Variants in PHACTR3 observed in about 807,000 individuals in gnomAD.
PHACTR3 encodes protein phosphatase 1, regulatory subunit 123.
Under a neutral mutation model 66.8 loss-of-function variants are expected in PHACTR3, and 16 were observed. That is an observed-to-expected ratio of 0.24 (90% confidence interval 0.16 to 0.36). The LOEUF is 0.36. Among genes scored for constraint, PHACTR3 ranks in the 10% least tolerant of loss-of-function variants. The probability of loss-of-function intolerance (pLI) is 1.00; values close to 1 mark genes in which losing one functional copy is unlikely to be tolerated. For synonymous variants in PHACTR3, 323 were observed against 292.1 expected (o/e 1.11, Z -1.08); for missense variants, 647 against 719.9 (o/e 0.90, Z 1.16).
rs576852139 is a variant in PHACTR3, at chr20:59,731,353, G to A, written c.119-11754G>A. Among the ~76,000 whole-genome samples the A allele has an allele frequency of 1.4e-4, 21 of 152,262 alleles. No homozygotes were observed. In the South Asian group the frequency reaches 2.9e-3, roughly 21 times the overall value. On this transcript the variant is annotated intron_variant, in intron 1 of 12. Transcript: ENST00000371015. Reference sequence around the variant, plus strand: ...GCCTCTTGTACAATAATTTTTATAAGAGTTTGTTCTTTGCAAATGCAGATG... The same window carrying A: ...GCCTCTTGTACAATAATTTTTATAAAAGTTTGTTCTTTGCAAATGCAGATG...
At chr20:59,601,958 G>A (rs1173426595), upstream of PHACTR3, among the ~76,000 whole-genome samples, 1 of 152,226 alleles carries the variant, frequency 6.6e-6, no homozygotes. Flanking sequence ...GTTTGGTGGA[G>A]TAGGTGAATG....
intron 1 of PHACTR3, among the ~76,000 whole-genome samples, chr20:59,614,697 G>T (rs1280162081): frequency 6.6e-6 from 1 of 152,170 alleles, no homozygotes; most frequent in African/African-American, 2.4e-5. Flanking sequence ...CTAATGAGTT[G>T]TATTGTTATG....
intron 8 of PHACTR3, among the ~76,000 whole-genome samples, chr20:59,817,294 A>C (rs1450992274): frequency 6.6e-6 from 1 of 152,204 alleles, no homozygotes; most frequent in Admixed American, 6.5e-5. Flanking sequence ...CAGGGTCTGC[A>C]TACGCTTCTG....
Position 59,774,102 on chromosome 20 carries a change from G to T in PHACTR3, c.927-141G>T, listed in dbSNP as rs974747876. 1.7e-5 allele frequency: 17 copies of T among 1,010,742 alleles called. No homozygotes were observed. In the Admixed American group the frequency reaches 3.5e-4, roughly 21 times the overall value. The allele number at this position is 1,010,742 out of a possible 1,614,324, so 62.6% of individuals were successfully genotyped here. A position where few individuals can be genotyped will look rare whatever the true frequency, so the allele number is the denominator to read the frequency against. On this transcript the variant is annotated intron_variant, in intron 6 of 12. Transcript: ENST00000371015. ...GAACTCAAATCCTCATGCTCCTTCT[G>T]GTGTGTCCAGGATAAAAACCAAGAG...
chr20:59,591,907 C>G (rs539836648), intron 1 of PHACTR3, among the ~76,000 whole-genome samples: 18 of 152,086 alleles, frequency 1.2e-4, no homozygotes, highest in Non-Finnish European at 2.2e-4. Context: ...TCTCTCGCCC[C>G]TCAACTCTCC....
rs759760144 is a variant in PHACTR3 at position 59,767,389 on chromosome 20, G to A, written c.745G>A (p.Val249Ile). 11 of 1,613,306 alleles carry A rather than the reference G, an allele frequency of 6.8e-6. No individual in the cohort carries two copies. The Admixed American group carries it at 1.3e-4, about 20-fold the overall frequency. The change falls in exon 5 of 13, where the codon GTC becomes ATC. Residue 249 changes from valine (V) to isoleucine (I), a missense_variant. Val to Ile is a conservative substitution (Grantham distance 29). Transcript: ENST00000371015. ...PKASSKTTKNVTGQATLFQAS... is the reference protein window; with the variant it reads ...PKASSKTTKNITGQATLFQAS... ...GGCAAGCTCCAAAACCACAAAAAAT[G>A]TCACAGGTGGGTCCACATGCATCCT...
chr20:59,798,309 A>G (rs1450845426), intron 7 of PHACTR3, among the ~76,000 whole-genome samples: 1 of 152,210 alleles, frequency 6.6e-6, no homozygotes, highest in Non-Finnish European at 1.5e-5. Context: ...ATCACTTGCA[A>G]AAGTCCCTGT....
At chr20:59,683,181 A>C (rs2036728063) in intron 1 of PHACTR3, among the ~76,000 whole-genome samples, 1 of 152,184 alleles carries the variant, frequency 6.6e-6, no homozygotes, top group Non-Finnish European at 1.5e-5. Context: ...TGAGTAACAG[A>C]AGGATAGAGC....
At chr20:59,581,836 G>A (rs2032869399) in intron 1 of PHACTR3, among the ~76,000 whole-genome samples, 1 of 150,648 alleles carries the variant, frequency 6.6e-6, no homozygotes, top group Admixed American at 6.6e-5. Context: ...AGACGACATT[G>A]CTCCACTGCA....
At position 59,782,134 on chromosome 20, in the gene PHACTR3, G is replaced by T. The variant is rs539276422; in HGVS notation, c.1174+7644G>T. 3.9e-4 allele frequency among the ~76,000 whole-genome samples: 60 copies of T among 152,314 alleles called. 1 individual carries two copies. In the South Asian group the frequency reaches 0.012, roughly 31 times the overall value. On this transcript the variant is annotated intron_variant, in intron 7 of 12. Transcript: ENST00000371015. The stretch of plus-strand genomic sequence containing the variant: ...ACTCAACAACGCAAAAGAGGGCTGG[G>T]TCGGGAGTTGAAAGGTGTATTAGTC...
chr20:59,834,060 T>C (rs766562837), intron 8 of PHACTR3, among the ~76,000 whole-genome samples: 4 of 152,192 alleles, frequency 2.6e-5, no homozygotes, highest in Non-Finnish European at 4.4e-5. Flanking sequence ...TGTTGCTTAC[T>C]TATTAGGACT....
chr20:59,734,422 T>C (rs992495939), intron 1 of PHACTR3, among the ~76,000 whole-genome samples: 1 of 151,982 alleles, frequency 6.6e-6, no homozygotes, highest in Non-Finnish European at 1.5e-5. Context: ...GAGCTAATTT[T>C]TTTTTCCTTC....
chr20:59,743,088 C>G lies in PHACTR3; in HGVS notation c.119-19C>G. The G allele has an allele frequency of 6.2e-7, 1 of 1,607,798 alleles. No individual in the cohort carries two copies. On this transcript the variant is annotated intron_variant, in intron 1 of 12. Transcript: ENST00000371015. ...GGTTTGGTGGCCACTTGAGGACCCC[C>G]TTGGTTTTCGTCTTCCAGATGAGAT...
chr20:59,620,741 C>T (rs908611836), intron 1 of PHACTR3, among the ~76,000 whole-genome samples: 8 of 152,176 alleles, frequency 5.3e-5, no homozygotes, highest in Non-Finnish European at 1.0e-4. Context: ...TGTGGGAAAC[C>T]TTGAGACTGT....
intron 1 of PHACTR3, among the ~76,000 whole-genome samples, chr20:59,591,611 C>T (rs1415992650): frequency 6.6e-6 from 1 of 152,118 alleles, no homozygotes; most frequent in Admixed American, 6.5e-5. Context: ...TTCTTTTTCC[C>T]ACAGTGCAGT....
chr20:59,807,390 C>T (rs972430899), intron 8 of PHACTR3, among the ~76,000 whole-genome samples: 1 of 152,234 alleles, frequency 6.6e-6, no homozygotes, highest in Non-Finnish European at 1.5e-5. Context: ...CAGCTTGTCC[C>T]ACTGGAAGAT....
chr20:59,635,182 CTTT>C, intron 1 of PHACTR3, among the ~76,000 whole-genome samples: 1 of 43,592 alleles, frequency 2.3e-5, no homozygotes, highest in African/African-American at 8.2e-5. Context: ...TTCTTTCTTT[CTTT>C]CTTTCTTTCT....
At chr20:59,702,617 C>T (rs1413005681) in intron 1 of PHACTR3, among the ~76,000 whole-genome samples, 2 of 152,224 alleles carry the variant, frequency 1.3e-5, no homozygotes, top group African/African-American at 2.4e-5. Flanking sequence ...ATGTCAGCTT[C>T]GCAGAGGGAG....
chr20:59,671,484 G>C (rs1445010334), intron 1 of PHACTR3, among the ~76,000 whole-genome samples: 1 of 152,240 alleles, frequency 6.6e-6, no homozygotes. Flanking sequence ...TCAAAAACAG[G>C]TGGCCCGTGG....
Sources: gnomAD v4.1 joint callset for allele counts (sites outside exome capture counted in the v4.1 genomes callset) on GRCh38, gnomAD v4.1.1 for gene constraint, MANE v1.5 for transcripts, NCBI Gene and HGNC (gene_info 2026-07-23, HGNC 2026-07-21) for gene names.